Variants in PTPRJ observed in about 807,000 individuals in gnomAD.
PTPRJ encodes the protein protein tyrosine phosphatase receptor type J.
Under a neutral mutation model 141.3 loss-of-function variants are expected in PTPRJ, and 129 were observed. The ratio of observed to expected loss-of-function variants is 0.91; its 90% confidence interval spans 0.79 to 1.06. PTPRJ has a LOEUF of 1.06. Ranked by LOEUF, PTPRJ falls within the 50% of genes least tolerant of loss-of-function variation. PTPRJ has a pLI of 0.00. For missense variants in PTPRJ, 1,601 were observed against 1,679.7 expected (o/e 0.95, Z 0.82); for synonymous variants, 610 against 640.5 (o/e 0.95, Z 0.72).
At chr11:48,065,162 G>T (rs1855052066) in intron 1 of PTPRJ, among the ~76,000 whole-genome samples, 1 of 151,730 alleles carries the variant, frequency 6.6e-6, no homozygotes, top group African/African-American at 2.4e-5. Flanking sequence ...CTACAGGCAT[G>T]CACCACCATG....
intron 1 of PTPRJ, among the ~76,000 whole-genome samples, chr11:48,040,609 C>CTTTT (rs371103069): frequency 0.031 from 4,554 of 145,222 alleles, 273 homozygotes; most frequent in African/African-American, 0.12. Flanking sequence ...TCTTCTTCTT[C>CTTTT]TTCTTTTTTT....
At chr11:48,022,213 C>A (rs1036542434) in intron 1 of PTPRJ, among the ~76,000 whole-genome samples, 1 of 151,744 alleles carries the variant, frequency 6.6e-6, no homozygotes, top group Non-Finnish European at 1.5e-5. Flanking sequence ...CCTGTAAATC[C>A]TAGCACTTTG....
Position 47,980,565 on chromosome 11 carries a change from A to C in PTPRJ, c.-348A>C, listed in dbSNP as rs1853866375. 3.1e-6 allele frequency: 3 copies of C among 982,572 alleles called. No homozygotes were observed. The highest frequency in any genetic ancestry group is 3.6e-6 in the Non-Finnish European group (3 of 828,910). 60.9% of individuals were successfully genotyped at this position (982,572 alleles called of 1,614,324 possible). On this transcript the variant is annotated 5_prime_UTR_variant, in exon 1 of 25. Coordinates refer to ENST00000418331, the MANE Select transcript of PTPRJ (RefSeq NM_002843.4). ...CGCCGCGGCTCCCTGCAGCAGCCCC[A>C]GCCGCATGACGCGCGGAGGAGGCAG...
At chr11:48,126,470 A>G (rs1856832861) in intron 6 of PTPRJ, among the ~76,000 whole-genome samples, 1 of 152,042 alleles carries the variant, frequency 6.6e-6, no homozygotes, top group Admixed American at 6.6e-5. Flanking sequence ...GGCGTAAACA[A>G]TGAACATTTA....
chr11:48,012,798 C>T (rs553613946), intron 1 of PTPRJ, among the ~76,000 whole-genome samples: 5 of 152,156 alleles, frequency 3.3e-5, no homozygotes, highest in South Asian at 2.1e-4. Flanking sequence ...GTAAAATTCA[C>T]CCATTTAAAA....
chr11:48,049,313 C>T (rs1483642598), intron 1 of PTPRJ, among the ~76,000 whole-genome samples: 3 of 151,972 alleles, frequency 2.0e-5, no homozygotes, highest in Admixed American at 6.6e-5. Context: ...TGAGAACCAC[C>T]GAGTCATGGC....
At chr11:48,030,815 C>T (rs550795815) in intron 1 of PTPRJ, among the ~76,000 whole-genome samples, 7 of 152,156 alleles carry the variant, frequency 4.6e-5, no homozygotes. Context: ...CTCTGAGCAG[C>T]GTTCCTGGGA....
At chr11:48,137,343 G>T in intron 10 of PTPRJ, 62 bp downstream of exon 10, 1 of 1,522,342 alleles carries the variant, frequency 6.6e-7, no homozygotes. Context: ...TTGCAGGTCA[G>T]TCCTCCCAAG....
intron 1 of PTPRJ, among the ~76,000 whole-genome samples, chr11:48,012,388 T>G (rs1451177358): frequency 6.6e-6 from 1 of 152,130 alleles, no homozygotes; most frequent in African/African-American, 2.4e-5. Context: ...GCCATGCCTG[T>G]TCGTTCAGCA....
intron 1 of PTPRJ, among the ~76,000 whole-genome samples, chr11:48,074,976 G>A (rs186477295): frequency 3.9e-5 from 6 of 152,204 alleles, no homozygotes; most frequent in South Asian, 4.2e-4. Flanking sequence ...GCTGTCAGTC[G>A]TTTGGCCAGG....
chr11:48,005,225 A>C (rs915814930), intron 1 of PTPRJ, among the ~76,000 whole-genome samples: 8 of 152,012 alleles, frequency 5.3e-5, no homozygotes, highest in African/African-American at 1.9e-4. Context: ...CTATCTTAAA[A>C]AAAAAAAAAG....
intron 1 of PTPRJ, among the ~76,000 whole-genome samples, chr11:47,996,039 CAA>C (rs750897866): frequency 3.4e-5 from 4 of 115,966 alleles, no homozygotes; most frequent in African/African-American, 3.2e-5. Context: ...ACTCCATCTC[CAA>C]AAAAAAAAAA....
chr11:48,065,717 T>C (rs930413628), intron 1 of PTPRJ, among the ~76,000 whole-genome samples: 3 of 152,232 alleles, frequency 2.0e-5, no homozygotes, highest in African/African-American at 7.2e-5. Flanking sequence ...AAGAATGTTA[T>C]ACACATTACC....
In PTPRJ at chr11:48,125,069, C is replaced by G. The variant is rs772451762; in HGVS notation, c.976C>G (p.Arg326Gly). Residue 326 changes from arginine (R) to glycine (G), a missense_variant, in exon 6 of 25, where the codon CGA becomes GGA. Physicochemically the swap from Arg to Gly is moderately radical, Grantham distance 125. Coordinates refer to ENST00000418331, the MANE Select transcript of PTPRJ (RefSeq NM_002843.4). ...GGACCCATCCTCCGGCCAGCAGTCC[C>G]GAGACACGGAAGTCCTGCTTGTCGG... ...PVDPSSGQQS[R>G]DTEVLLVGLE... The G allele has an allele frequency of 7.4e-6, 12 of 1,613,994 alleles. No homozygotes were observed. Among genetic ancestry groups the G allele is most frequent in the Non-Finnish European group, 1.0e-5 (12 of 1,180,024 alleles).
At chr11:48,132,034 C>A in intron 8 of PTPRJ, 1 of 509,050 alleles carries the variant, frequency 2.0e-6, no homozygotes, top group Non-Finnish European at 2.5e-6. Flanking sequence ...ATAAATATAA[C>A]CTATGTAAAT....
chr11:48,001,963 A>G (rs1260316306), intron 1 of PTPRJ, among the ~76,000 whole-genome samples: 1 of 152,082 alleles, frequency 6.6e-6, no homozygotes, highest in Non-Finnish European at 1.5e-5. Context: ...TGGTGACAAA[A>G]GTACCAATTT....
chr11:48,127,919 T>C lies in PTPRJ; in HGVS notation c.1233T>C (p.Asn411=), dbSNP rs992467148. Residue 411 remains asparagine (N), a synonymous_variant, in exon 7 of 25, where the codon AAT becomes AAC. Transcript: ENST00000418331. The part of the protein sequence containing the change: ...IHVAGETDSS[N]LNVSEPRAVI... ...TGGCGGGGGAGACAGATTCTTCCAA[T>C]CTCAACGTCAGTGAGCCTCGCGCTG... 1.1e-5 allele frequency: 18 copies of C among 1,614,036 alleles called. No homozygotes were observed. The highest frequency in any genetic ancestry group is 8.3e-5 in the Admixed American group (5 of 60,006).
In PTPRJ at chr11:48,131,373, G is replaced by A. The variant is rs549691833; in HGVS notation, c.1615+657G>A. The A allele has an allele frequency of 2.4e-5, 15 of 615,726 alleles. 1 individual carries two copies. Among genetic ancestry groups the A allele is most frequent in the South Asian group, 2.1e-4 (10 of 48,492 alleles). The allele number at this position is 615,726 out of a possible 1,614,324, so 38.1% of individuals were successfully genotyped here. On this transcript the variant is annotated intron_variant, in intron 8 of 24. Coordinates refer to ENST00000418331, the MANE Select transcript of PTPRJ (RefSeq NM_002843.4). ...GCTTGGATTACAGGTGTGCGCCACT[G>A]CACCCAGCCCACAAATATATATTTA...
rs1346711411 is a variant in PTPRJ, at chr11:48,158,197, A to G, written c.3439-1733A>G. Among the ~76,000 whole-genome samples the G allele has an allele frequency of 6.6e-6, 1 of 152,210 alleles. No homozygotes were observed. Among genetic ancestry groups the G allele is most frequent in the Non-Finnish European group, 1.5e-5 (1 of 68,032 alleles). On this transcript the variant is annotated intron_variant, in intron 21 of 24. Transcript: ENST00000418331. The surrounding 1 kb of genome is among the most constrained non-coding windows in gnomAD (Gnocchi z 4.4). ...AAGAAGAATGCAAATAAGCTTTTTA[A>G]TACTGTTGAGCCCAGGGCCTTATAC...
Sources: gnomAD v4.1 joint callset for allele counts (sites outside exome capture counted in the v4.1 genomes callset) on GRCh38, gnomAD v4.1.1 for gene constraint, Gnocchi (gnomAD v3.1) non-coding constraint, MANE v1.5 for transcripts, NCBI Gene and HGNC (gene_info 2026-07-23, HGNC 2026-07-21) for gene names.